The following MAP3K9 variants were observed in gnomAD, a reference collection of about 807,000 sequenced individuals.
MAP3K9 encodes mixed lineage kinase 1 (tyr and ser/thr specificity).
Under a neutral mutation model 95.8 loss-of-function variants are expected in MAP3K9, and 46 were observed. That is an observed-to-expected ratio of 0.48 (90% CI 0.38 to 0.61). MAP3K9 has a LOEUF of 0.61. Among genes scored for constraint, MAP3K9 ranks in the 20% least tolerant of loss-of-function variants. MAP3K9 has a pLI of 0.00. For synonymous variants in MAP3K9, 533 were observed against 593.8 expected, an observed-to-expected ratio of 0.90 and a Z score of 1.49; for missense variants, 1,296 against 1,474.3, an observed-to-expected ratio of 0.88 and a Z score of 1.98.
chr14:70,795,767 C>A (rs919714244), intron 2 of MAP3K9, among the ~76,000 whole-genome samples: 1 of 146,554 alleles, frequency 6.8e-6, no homozygotes, highest in East Asian at 2.0e-4. Flanking sequence ...ATTCTTTTTT[C>A]TTTTTTTTTT....
Position 70,730,215 on chromosome 14 carries a change from C to A in MAP3K9, c.*165G>T. The stretch of plus-strand genomic sequence containing the variant: ...TAGAAAGGCCCTGCAGGGCAGGAGA[C>A]CCTCTGAAGTGGCCCTGTTTCCATC... On this transcript the variant is annotated 3_prime_UTR_variant, in exon 12 of 12. Transcript: ENST00000554752. The A allele has an allele frequency of 9.9e-7, 1 of 1,008,380 alleles. No individual in the cohort carries two copies. The highest frequency in any genetic ancestry group is 1.7e-5 in the South Asian group (1 of 57,658). The allele number at this position is 1,008,380 out of a possible 1,614,324, so 62.5% of individuals were successfully genotyped here. A position where few individuals can be genotyped will look rare whatever the true frequency, so the allele number is the denominator to read the frequency against.
chr14:70,735,169 C>T (rs1053878876), intron 9 of MAP3K9, among the ~76,000 whole-genome samples: 4 of 152,128 alleles, frequency 2.6e-5, no homozygotes, highest in Non-Finnish European at 4.4e-5. Context: ...GCTTTCAAAT[C>T]CCTGTCATCA....
At chr14:70,806,756 C>G (rs990322206) in intron 1 of MAP3K9, among the ~76,000 whole-genome samples, 1 of 152,218 alleles carries the variant, frequency 6.6e-6, no homozygotes, top group Non-Finnish European at 1.5e-5. Flanking sequence ...TTCCTGATCA[C>G]GAACCTCACC....
At position 70,809,447 on chromosome 14, in the gene MAP3K9, T is replaced by A; in HGVS notation, c.-276A>T. On this transcript the variant is annotated 5_prime_UTR_variant, in exon 1 of 12. Coordinates refer to ENST00000554752, the MANE Select transcript of MAP3K9 (RefSeq NM_001284230.2). ...CCCCCGGGGGCGGCCTCGTCACCTC[T>A]GCCGCCGGTACCTGCTCGCGCAGCC... is the stretch of plus-strand genomic sequence containing the variant. The A allele has an allele frequency of 4.4e-5, 11 of 249,694 alleles. No individual in the cohort carries two copies. Among genetic ancestry groups the A allele is most frequent in the South Asian group, 1.6e-4 (1 of 6,184 alleles). 15.5% of individuals were successfully genotyped at this position (249,694 alleles called of 1,614,324 possible). A position where few individuals can be genotyped will look rare whatever the true frequency, so the allele number is the denominator to read the frequency against.
chr14:70,766,419 T>C (rs187894736), intron 2 of MAP3K9, among the ~76,000 whole-genome samples: 23 of 152,304 alleles, frequency 1.5e-4, no homozygotes, highest in African/African-American at 5.5e-4. Flanking sequence ...TGTACATAAA[T>C]GGAAACCATA....
chr14:70,740,824 C>A (rs139274637), intron 6 of MAP3K9, among the ~76,000 whole-genome samples: 467 of 152,340 alleles, frequency 3.1e-3, no homozygotes, highest in African/African-American at 0.011. Flanking sequence ...TGTGATCTCC[C>A]TGCAGGTGGG....
intron 8 of MAP3K9, among the ~76,000 whole-genome samples, chr14:70,736,981 G>A (rs1183575650): frequency 2.6e-5 from 4 of 152,176 alleles, no homozygotes; most frequent in Non-Finnish European, 4.4e-5. Flanking sequence ...GAATCTTAGT[G>A]TTTAAAGGAT....
At chr14:70,799,193 G>A (rs777400970) in intron 2 of MAP3K9, among the ~76,000 whole-genome samples, 73 of 151,898 alleles carry the variant, frequency 4.8e-4, no homozygotes, top group Non-Finnish European at 8.8e-4. Flanking sequence ...TTAAGAGATG[G>A]GGTCTCGCTA....
intron 2 of MAP3K9, among the ~76,000 whole-genome samples, chr14:70,787,153 T>C (rs1208258347): frequency 6.6e-6 from 1 of 152,110 alleles, no homozygotes; most frequent in Admixed American, 6.5e-5. Flanking sequence ...TCCTGTTATA[T>C]TGCCTCATAA....
chr14:70,800,066 C>T (rs1352710113), intron 2 of MAP3K9, among the ~76,000 whole-genome samples: 3 of 152,188 alleles, frequency 2.0e-5, no homozygotes, highest in Non-Finnish European at 1.5e-5. Context: ...AGAGTTACTT[C>T]TCAGTTCCCT....
chr14:70,785,675 G>T (rs2054737624), intron 2 of MAP3K9, among the ~76,000 whole-genome samples: 1 of 152,072 alleles, frequency 6.6e-6, no homozygotes, highest in African/African-American at 2.4e-5. Context: ...GATGACCCGG[G>T]ATCATTGAGT....
In MAP3K9 at chr14:70,788,151, A is replaced by G. The variant is rs567330490; in HGVS notation, c.820+12516T>C. Among the ~76,000 whole-genome samples, 4 of 152,254 alleles carry G rather than the reference A, an allele frequency of 2.6e-5. No homozygotes were observed. The South Asian group carries it at 6.2e-4, about 24-fold the overall frequency. ...GAGACAGACTTTTCTTTGTATTTCA[A>G]TTTTGTCCTATTTTTACCCATGTGT... On this transcript the variant is annotated intron_variant, in intron 2 of 11. Transcript: ENST00000554752.
At chr14:70,772,171 C>G (rs980991499) in intron 2 of MAP3K9, among the ~76,000 whole-genome samples, 5 of 152,218 alleles carry the variant, frequency 3.3e-5, no homozygotes, top group African/African-American at 1.2e-4. Context: ...CCAGCAGCTT[C>G]CGCATTGTCA....
chr14:70,792,203 A>G (rs1434502727), intron 2 of MAP3K9, among the ~76,000 whole-genome samples: 1 of 152,224 alleles, frequency 6.6e-6, no homozygotes, highest in East Asian at 1.9e-4. Context: ...CTGCTAGCTA[A>G]CCTCTGGCAT....
intron 2 of MAP3K9, among the ~76,000 whole-genome samples, chr14:70,779,415 G>A (rs1371163564): frequency 6.6e-6 from 1 of 152,208 alleles, no homozygotes; most frequent in Non-Finnish European, 1.5e-5. Context: ...TACTGGGGAT[G>A]GAAAGGATGG....
At chr14:70,766,929 C>A (rs1330279815) in intron 2 of MAP3K9, among the ~76,000 whole-genome samples, 1 of 152,192 alleles carries the variant, frequency 6.6e-6, no homozygotes, top group African/African-American at 2.4e-5. Context: ...ACACTATATG[C>A]ACTTCTAATC....
chr14:70,777,740 CCTGA>C (rs1188301765), intron 2 of MAP3K9, among the ~76,000 whole-genome samples: 2 of 152,156 alleles, frequency 1.3e-5, no homozygotes, highest in African/African-American at 4.8e-5. Flanking sequence ...GAGGCCCCAC[CCTGA>C]CTAATGCAGT....
At position 70,809,045 on chromosome 14, in the gene MAP3K9, C is replaced by A. The variant is rs1387274267; in HGVS notation, c.127G>T (p.Val43Leu). The A allele has an allele frequency of 2.8e-6, 4 of 1,446,536 alleles. No homozygotes were observed. The African/African-American group carries it at 5.9e-5, about 22-fold the overall frequency. The allele number at this position is 1,446,536 out of a possible 1,614,324, so 89.6% of individuals were successfully genotyped here. ...TCGCAGCCCAGCTCCCCGGGGCCCACCGCCGCCGCCGCCTCCTCCTCCTCC... is the reference window on the plus strand; with the variant it reads ...TCGCAGCCCAGCTCCCCGGGGCCCAACGCCGCCGCCGCCTCCTCCTCCTCC... ...EEEEEEAAAAVGPGELGCDAP... is the reference protein window; with the variant it reads ...EEEEEEAAAALGPGELGCDAP... The change falls in exon 1 of 12, where the codon GTG becomes TTG. Residue 43 changes from valine (V) to leucine (L), a missense_variant. Val to Leu is a conservative substitution (Grantham distance 32, BLOSUM62 1). Coordinates refer to ENST00000554752, the MANE Select transcript of MAP3K9 (RefSeq NM_001284230.2).
At chr14:70,800,513 T>C (rs377184455) in intron 2 of MAP3K9, among the ~76,000 whole-genome samples, 154 bp downstream of exon 2, 4 of 152,038 alleles carry the variant, frequency 2.6e-5, no homozygotes, top group Admixed American at 1.3e-4. Context: ...TTGGCACTCA[T>C]CTCACCTCCT....
Sources: allele counts gnomAD v4.1 joint callset (sites outside exome capture counted in the v4.1 genomes callset), GRCh38; gene constraint gnomAD v4.1.1; transcripts MANE v1.5; gene names NCBI Gene and HGNC (gene_info 2026-07-23, HGNC 2026-07-21).